GPC6: variants seen among roughly 807,000 people sequenced by gnomAD.
GPC6 encodes the protein glypican 6.
A neutral mutation model predicts 55.2 loss-of-function variants in GPC6; 14 were observed. That is an observed-to-expected ratio of 0.25 (90% CI 0.17 to 0.40). The LOEUF (loss-of-function observed/expected upper bound fraction) is 0.40, where lower values mean the gene tolerates loss of function less well. Ranked by LOEUF, GPC6 falls within the 10% of genes least tolerant of loss-of-function variation. GPC6 has a pLI of 1.00. For synonymous variants in GPC6, 278 were observed against 259.6 expected (o/e 1.07, Z -0.68); for missense variants, 641 against 708.5 (o/e 0.90, Z 1.08).
intron 3 of GPC6, among the ~76,000 whole-genome samples, chr13:93,876,924 A>G (rs1327042214): frequency 6.6e-6 from 1 of 152,030 alleles, no homozygotes; most frequent in Non-Finnish European, 1.5e-5. Context: ...AACACTCACC[A>G]TACGTTCCTC....
rs56183083 is a variant in GPC6 at position 93,384,397 on chromosome 13, A to T, written c.160+156781A>T. 4.7e-3 allele frequency among the ~76,000 whole-genome samples: 629 copies of T among 132,452 alleles called. 1 individual carries two copies. The highest frequency in any genetic ancestry group is 0.011 in the African/African-American group (366 of 33,846). 86.9% of individuals were successfully genotyped at this position (132,452 alleles called of 152,430 possible). ...AACCTGAAAACCGTTTTTTTTTTTT[A>T]AAAAAAAGGCAAAACAAATTAATTC... On this transcript the variant is annotated intron_variant, in intron 1 of 8. Transcript: ENST00000377047.
chr13:93,527,159 C>A (rs1021559247), intron 1 of GPC6, among the ~76,000 whole-genome samples: 4 of 152,070 alleles, frequency 2.6e-5, no homozygotes, highest in Non-Finnish European at 1.5e-5. Flanking sequence ...AGTCAAGCAA[C>A]TTATCGTTAG....
chr13:93,841,865 T>C (rs1235502056), intron 3 of GPC6, among the ~76,000 whole-genome samples: 2 of 152,194 alleles, frequency 1.3e-5, no homozygotes, highest in East Asian at 1.9e-4. Context: ...AACTTTTCTA[T>C]GTTAATTTTG....
intron 1 of GPC6, among the ~76,000 whole-genome samples, chr13:93,437,664 A>G (rs1270387166): frequency 1.3e-5 from 2 of 152,204 alleles, no homozygotes; most frequent in Non-Finnish European, 2.9e-5. Flanking sequence ...GCAGAGGTTC[A>G]TGATATTGAA....
chr13:93,362,416 A>G (rs1195945178), intron 1 of GPC6, among the ~76,000 whole-genome samples: 1 of 152,188 alleles, frequency 6.6e-6, no homozygotes, highest in Non-Finnish European at 1.5e-5. Flanking sequence ...TCTTTGATCA[A>G]GGGCTGTAAA....
chr13:93,942,821 C>G (rs932378467), intron 3 of GPC6, among the ~76,000 whole-genome samples: 5 of 152,170 alleles, frequency 3.3e-5, no homozygotes, highest in African/African-American at 1.2e-4. Flanking sequence ...AAAAATGTTA[C>G]ATGAAATTAG....
At chr13:93,443,846 A>C (rs899213286) in intron 1 of GPC6, among the ~76,000 whole-genome samples, 1 of 150,830 alleles carries the variant, frequency 6.6e-6, no homozygotes, top group South Asian at 2.1e-4. Flanking sequence ...TTAGAAAAGT[A>C]TCTGTGATGT....
Position 94,382,516 on chromosome 13 carries a change from G to A in GPC6, c.1255G>A (p.Glu419Lys), listed in dbSNP as rs368748348. 2.0e-5 allele frequency: 33 copies of A among 1,614,174 alleles called. No individual in the cohort carries two copies. The East Asian group carries it at 2.5e-4, about 12-fold the overall frequency. ...GAGCGTGACAGCGGGCACGTCCAAC[G>A]AGGAGGAATGCTGGAACGGGCACAG... The part of the protein sequence containing the change: ...DESVTAGTSN[E>K]EECWNGHSKA... Residue 419 changes from glutamate (E) to lysine (K), a missense_variant, in exon 7 of 9, where the codon GAG (glutamate) becomes AAG (lysine). Physicochemically the swap from Glu to Lys is moderately conservative, Grantham distance 56 (BLOSUM62 1). Coordinates refer to ENST00000377047, the MANE Select transcript of GPC6 (RefSeq NM_005708.5).
At chr13:94,181,409 T>A (rs9524364) in intron 4 of GPC6, among the ~76,000 whole-genome samples, 19 of 152,182 alleles carry the variant, frequency 1.2e-4, no homozygotes, top group African/African-American at 4.3e-4. Flanking sequence ...CGTTGAAATA[T>A]TGGGGGCTGG....
intron 1 of GPC6, among the ~76,000 whole-genome samples, chr13:93,366,060 T>C (rs1483502171): frequency 1.3e-5 from 2 of 152,080 alleles, no homozygotes; most frequent in Non-Finnish European, 2.9e-5. Context: ...ATACACTATA[T>C]ATCTCTGGTC....
chr13:94,366,798 C>A (rs1057028059), intron 6 of GPC6, among the ~76,000 whole-genome samples: 1 of 152,146 alleles, frequency 6.6e-6, no homozygotes, highest in Admixed American at 6.5e-5. Context: ...AGCGAGAGAG[C>A]AGATGGGACA....
intron 2 of GPC6, among the ~76,000 whole-genome samples, chr13:93,589,933 A>G (rs944829446): frequency 9.2e-5 from 14 of 152,186 alleles, no homozygotes; most frequent in Non-Finnish European, 1.8e-4. Context: ...TATACATAGC[A>G]TTTGCAGTAT....
chr13:93,557,846 A>AT (rs563545561), intron 2 of GPC6, among the ~76,000 whole-genome samples: 4 of 151,990 alleles, frequency 2.6e-5, no homozygotes, highest in African/African-American at 4.8e-5. Flanking sequence ...ATGTATTGGT[A>AT]TTTTTTTTCT....
intron 4 of GPC6, among the ~76,000 whole-genome samples, chr13:94,229,095 A>C (rs1890642959): frequency 6.6e-6 from 1 of 152,232 alleles, no homozygotes; most frequent in Admixed American, 6.5e-5. Flanking sequence ...AATCTGGGAG[A>C]ATGAAGATTC....
chr13:94,020,432 C>T (rs1441503924), intron 3 of GPC6, among the ~76,000 whole-genome samples: 1 of 152,144 alleles, frequency 6.6e-6, no homozygotes, highest in Non-Finnish European at 1.5e-5. Context: ...TCTTTCTTGA[C>T]TAAGTGCTCT....
intron 2 of GPC6, among the ~76,000 whole-genome samples, chr13:93,805,394 T>A (rs1424667787): frequency 1.3e-5 from 2 of 152,122 alleles, no homozygotes; most frequent in Non-Finnish European, 2.9e-5. Flanking sequence ...TTAATCATGA[T>A]GGGTGGAGAA....
rs146863724 is a variant in GPC6 at position 94,074,350 on chromosome 13, C to A, written c.877+46456C>A. Among the ~76,000 whole-genome samples the A allele has an allele frequency of 4.8e-3, 731 of 152,236 alleles. 8 individuals are homozygous for A. The highest frequency in any genetic ancestry group is 0.017 in the African/African-American group (695 of 41,550). On this transcript the variant is annotated intron_variant, in intron 4 of 8. Transcript: ENST00000377047. ...AGAAGACTATTATGTGCAGCATAGA[C>A]AAGGTTATGTTTTAAACATGACAAT...
At chr13:93,759,374 A>G (rs577198854) in intron 2 of GPC6, among the ~76,000 whole-genome samples, 3 of 152,162 alleles carry the variant, frequency 2.0e-5, no homozygotes, top group South Asian at 2.1e-4. Flanking sequence ...ACTGATTCCT[A>G]TGTCAGCATT....
chr13:93,308,685 G>A (rs1370843981), intron 1 of GPC6, among the ~76,000 whole-genome samples: 1 of 152,202 alleles, frequency 6.6e-6, no homozygotes, highest in Non-Finnish European at 1.5e-5. Context: ...CAAGTGATCT[G>A]CCCGCCTTGG....
Sources: allele counts gnomAD v4.1 joint callset (sites outside exome capture counted in the v4.1 genomes callset), GRCh38; gene constraint gnomAD v4.1.1; transcripts MANE v1.5; gene names NCBI Gene and HGNC (gene_info 2026-07-23, HGNC 2026-07-21).